The following DNAH9 variants were observed in gnomAD, a reference collection of about 807,000 sequenced individuals.
The protein encoded by DNAH9 is dynein axonemal heavy chain 9, also known as DNAH9 variant protein.
A neutral mutation model predicts 471.6 loss-of-function variants in DNAH9; 345 were observed. That is an observed-to-expected ratio of 0.73 (90% CI 0.67 to 0.80). DNAH9 has a LOEUF of 0.80. Among genes scored for constraint, DNAH9 ranks in the 30% least tolerant of loss-of-function variants. DNAH9 has a pLI of 0.00. For missense variants in DNAH9, 5,407 were observed against 5,609.2 expected (o/e 0.96, Z 1.15); for synonymous variants, 2,093 against 2,123.6 (o/e 0.99, Z 0.40).
chr17:11,818,636 C>T (rs1970196362), intron 45 of DNAH9, among the ~76,000 whole-genome samples: 1 of 151,934 alleles, frequency 6.6e-6, no homozygotes, highest in African/African-American at 2.4e-5. Context: ...GATTCCAGTC[C>T]CAGATAACTT....
At chr17:11,828,145 A>C (rs918506481) in intron 48 of DNAH9, among the ~76,000 whole-genome samples, 1 of 152,088 alleles carries the variant, frequency 6.6e-6, no homozygotes, top group Non-Finnish European at 1.5e-5. Flanking sequence ...TCTGTAGTCT[A>C]TTCTCAGCTG....
In DNAH9 at chr17:11,783,692, T is replaced by C. The variant is rs747077156; in HGVS notation, c.7765T>C (p.Tyr2589His). The change falls in exon 40 of 69, where the codon TAT becomes CAT. Residue 2589 changes from tyrosine to histidine, a missense_variant. Tyr to His is a moderately conservative substitution (Grantham distance 83). Around this residue, in one of 3 missense-constraint regions of DNAH9, gnomAD observed 4,636 missense variants for 4,900.3 expected, o/e 0.95. Coordinates refer to ENST00000262442, the MANE Select transcript of DNAH9 (RefSeq NM_001372.4). ...CCTAAAGGAGATCACAAATGTACAG[T>C]ATGTTTCCTGTATGAACCCCACGGC... Reference protein sequence around the residue: ...LSLKEITNVQYVSCMNPTAGS... With the variant: ...LSLKEITNVQHVSCMNPTAGS... The C allele has an allele frequency of 4.3e-6, 7 of 1,614,080 alleles. No individual in the cohort carries two copies. In the South Asian group the frequency reaches 7.7e-5, roughly 18 times the overall value.
intron 50 of DNAH9, among the ~76,000 whole-genome samples, chr17:11,867,732 C>A (rs763283443): frequency 1.3e-5 from 2 of 152,174 alleles, no homozygotes; most frequent in Non-Finnish European, 2.9e-5. Context: ...CAGGCAAGGG[C>A]AGAGCTGGTT....
At position 11,933,882 on chromosome 17, in the gene DNAH9, C is replaced by G. The variant is rs1339782746; in HGVS notation, c.12300C>G (p.Val4100=). The G allele has an allele frequency of 1.2e-6, 2 of 1,610,764 alleles. No individual in the cohort carries two copies. Among genetic ancestry groups the G allele is most frequent in the Non-Finnish European group, 1.7e-6 (2 of 1,178,188 alleles). ...TCTTTCTTTCCCCCATCACTCAGGT[C>G]CCCTATGATGATTTGCGCTACCTGT... ...LYNFLEANAK[V]PYDDLRYLFG... Residue 4100 remains valine, a splice_region_variant and synonymous_variant, in exon 65 of 69, where the codon GTC becomes GTG. Coordinates refer to ENST00000262442, the MANE Select transcript of DNAH9 (RefSeq NM_001372.4).
chr17:11,863,416 G>T (rs951746316), intron 50 of DNAH9, among the ~76,000 whole-genome samples: 1 of 152,000 alleles, frequency 6.6e-6, no homozygotes, highest in Non-Finnish European at 1.5e-5. Context: ...TGCTGGATTC[G>T]GTTTGCCAGT....
At chr17:11,874,089 A>G (rs1256866537) in intron 52 of DNAH9, among the ~76,000 whole-genome samples, 2 of 152,002 alleles carry the variant, frequency 1.3e-5, no homozygotes, top group African/African-American at 4.8e-5. Flanking sequence ...TACTAAAAAC[A>G]CAAAAATTAG....
chr17:11,710,339 A>G (rs2052046), intron 26 of DNAH9, among the ~76,000 whole-genome samples: 144,348 of 152,182 alleles, frequency 0.95, 68,678 homozygotes, highest in Non-Finnish European at 0.99. Flanking sequence ...GAACTCACTT[A>G]TATGTACAAT....
intron 14 of DNAH9, among the ~76,000 whole-genome samples, chr17:11,658,572 C>T (rs992373926): frequency 9.2e-5 from 14 of 151,892 alleles, no homozygotes; most frequent in Non-Finnish European, 2.1e-4. Flanking sequence ...GAAATGCTCG[C>T]CTCATTTCCA....
At position 11,636,616 on chromosome 17, in the gene DNAH9, C is replaced by T. The variant is rs1467602375; in HGVS notation, c.1636-18C>T. On this transcript the variant is annotated intron_variant, in intron 8 of 68. Coordinates refer to ENST00000262442, the MANE Select transcript of DNAH9 (RefSeq NM_001372.4). ...AATCTGTGATTTTTTTCCTCTTTTT[C>T]CTCCACCTTCCCTACAGCTGCTAGA... 6.2e-7 allele frequency: 1 copy of T among 1,605,584 alleles called. No homozygotes were observed. Among genetic ancestry groups the T allele is most frequent in the Non-Finnish European group, 8.5e-7 (1 of 1,175,534 alleles).
chr17:11,625,076 G>GCACA lies in DNAH9; in HGVS notation c.1351-4323_1351-4320dup, dbSNP rs3039431. 4.7e-5 allele frequency among the ~76,000 whole-genome samples: 7 copies of GCACA among 149,960 alleles called. No homozygotes were observed. In the South Asian group the frequency reaches 6.3e-4, roughly 14 times the overall value. On this transcript the variant is annotated intron_variant, in intron 6 of 68. Transcript: ENST00000262442. ...CTGCCTTCCTGCTTGATGCATCAGT[G>GCACA]CACACACACACACACACACACCGAG...
intron 61 of DNAH9, among the ~76,000 whole-genome samples, chr17:11,913,230 A>G (rs1445389339): frequency 2.6e-5 from 4 of 152,236 alleles, no homozygotes; most frequent in African/African-American, 9.6e-5. Flanking sequence ...GGTAGAATTC[A>G]GTGATGAAGC....
intron 30 of DNAH9, 46 bp from the exon 31 acceptor site, chr17:11,744,750 AC>A (rs1264988854): frequency 6.5e-7 from 1 of 1,531,192 alleles, no homozygotes; most frequent in East Asian, 2.3e-5. Flanking sequence ...TCACCCCAGC[AC>A]ATGGTGTTCT....
intron 60 of DNAH9, 32 bp from the exon 61 acceptor site, chr17:11,905,629 G>A: frequency 1.2e-6 from 2 of 1,609,158 alleles, no homozygotes. Context: ...TGCTATATAT[G>A]TATAAATCTA....
In DNAH9 at chr17:11,690,303, A is replaced by T; in HGVS notation, c.4481A>T (p.Glu1494Val). 1.9e-6 allele frequency: 3 copies of T among 1,614,060 alleles called. No individual in the cohort carries two copies. Among genetic ancestry groups the T allele is most frequent in the Non-Finnish European group, 2.5e-6 (3 of 1,180,012 alleles). The change falls in exon 20 of 69, where the codon GAG becomes GTG. Residue 1494 changes from glutamate (E) to valine (V), a missense_variant. Physicochemically the swap from Glu to Val is moderately radical, Grantham distance 121. Transcript: ENST00000262442. ...AAGTATGTTGCTTTCTTCTTGGAGG[A>T]GGTGTCGGGCTGGCAGAAGAAGCTG... is the stretch of plus-strand genomic sequence containing the variant. ...MSKYVAFFLE[E>V]VSGWQKKLST...
intron 57 of DNAH9, among the ~76,000 whole-genome samples, chr17:11,890,348 A>G (rs1034723064): frequency 6.6e-6 from 1 of 152,212 alleles, no homozygotes; most frequent in African/African-American, 2.4e-5. Flanking sequence ...TGGGTTGAAC[A>G]TGGGCAGAAG....
chr17:11,832,950 T>G (rs1040851108), intron 48 of DNAH9, among the ~76,000 whole-genome samples: 1 of 152,338 alleles, frequency 6.6e-6, no homozygotes, highest in African/African-American at 2.4e-5. Context: ...CCAGTGACTC[T>G]CAAACTTAGA....
intron 41 of DNAH9, among the ~76,000 whole-genome samples, chr17:11,791,833 G>A (rs1432401405): frequency 6.6e-6 from 1 of 152,144 alleles, no homozygotes; most frequent in African/African-American, 2.4e-5. Flanking sequence ...TGTCTTGGGC[G>A]ACTTCAACAA....
In DNAH9 at chr17:11,834,673, A is replaced by G; in HGVS notation, c.9282A>G (p.Glu3094=). Residue 3094 remains glutamate, a synonymous_variant, in exon 49 of 69, where the codon GAA becomes GAG. Transcript: ENST00000262442. ...DDLKAKLAAQ[E]VELKQKNEDA... ...TGAAAGCAAAGCTGGCTGCCCAGGAAGTAGAGCTGAAGCAGAAAAATGAAG... is the reference window on the plus strand; with the variant it reads ...TGAAAGCAAAGCTGGCTGCCCAGGAGGTAGAGCTGAAGCAGAAAAATGAAG... 6.2e-7 allele frequency: 1 copy of G among 1,614,134 alleles called. No individual in the cohort carries two copies. Among genetic ancestry groups the G allele is most frequent in the Non-Finnish European group, 8.5e-7 (1 of 1,180,018 alleles).
At chr17:11,852,066 T>G (rs1489770502) in intron 49 of DNAH9, among the ~76,000 whole-genome samples, 4 of 152,132 alleles carry the variant, frequency 2.6e-5, no homozygotes, top group East Asian at 1.9e-4. Flanking sequence ...GCTGCCTACC[T>G]CCCTGCCCTC....
Sources: allele counts gnomAD v4.1 joint callset (sites outside exome capture counted in the v4.1 genomes callset), GRCh38; gene constraint gnomAD v4.1.1; regional missense constraint gnomAD v4.1.1; transcripts MANE v1.5; gene names NCBI Gene and HGNC (gene_info 2026-07-23, HGNC 2026-07-21).